Variants in GABRG2 observed in about 807,000 individuals in gnomAD.
The protein encoded by GABRG2 is gamma-aminobutyric acid receptor subunit gamma-2.
Under a neutral mutation model 56.4 loss-of-function variants are expected in GABRG2, and 16 were observed. The observed-to-expected ratio is 0.28, with a 90% confidence interval of 0.19 to 0.43. The LOEUF (loss-of-function observed/expected upper bound fraction) is 0.43, where lower values mean the gene tolerates loss of function less well. Ranked by LOEUF, GABRG2 falls within the 20% of genes least tolerant of loss-of-function variation. The probability of loss-of-function intolerance (pLI) is 1.00; values close to 1 mark genes in which losing one functional copy is unlikely to be tolerated. For missense variants in GABRG2, 327 were observed against 582.7 expected, an observed-to-expected ratio of 0.56 and a Z score of 4.52; for synonymous variants, 208 against 205.5, an observed-to-expected ratio of 1.01 and a Z score of -0.10.
chr5:162,134,827 G>A (rs547591243), intron 6 of GABRG2, among the ~76,000 whole-genome samples: 6 of 152,182 alleles, frequency 3.9e-5, no homozygotes, highest in South Asian at 2.1e-4. Flanking sequence ...AGCCTGCAGG[G>A]AACACATTAC....
chr5:162,118,049 A>C (rs950877942), intron 6 of GABRG2, among the ~76,000 whole-genome samples: 1 of 152,038 alleles, frequency 6.6e-6, no homozygotes, highest in Non-Finnish European at 1.5e-5. Flanking sequence ...TTTTAGACTC[A>C]GCCCCAGAAT....
chr5:162,149,767 C>T (rs1407166093), intron 8 of GABRG2: 6 of 394,728 alleles, frequency 1.5e-5, no homozygotes, highest in Middle Eastern at 8.5e-4. Context: ...GCACACGCCA[C>T]CATGCCTGGT....
intron 1 of GABRG2, among the ~76,000 whole-genome samples, chr5:162,088,629 G>A (rs1021151146): frequency 6.6e-6 from 1 of 152,026 alleles, no homozygotes; most frequent in African/African-American, 2.4e-5. Flanking sequence ...AAAATGAGCT[G>A]GAACAATCAT....
At chr5:162,122,347 A>G (rs141270613) in intron 6 of GABRG2, among the ~76,000 whole-genome samples, 2 of 152,036 alleles carry the variant, frequency 1.3e-5, no homozygotes, top group East Asian at 3.9e-4. Context: ...AAGCAAATCA[A>G]AACAAGCCAA....
chr5:162,122,577 T>C (rs1763046915), intron 6 of GABRG2, among the ~76,000 whole-genome samples: 1 of 151,816 alleles, frequency 6.6e-6, no homozygotes, highest in South Asian at 2.1e-4. Context: ...TACTTCAGAT[T>C]ATTTAATGTT....
chr5:162,112,334 A>G (rs1311467191), intron 6 of GABRG2, among the ~76,000 whole-genome samples: 1 of 152,202 alleles, frequency 6.6e-6, no homozygotes, highest in East Asian at 1.9e-4. Flanking sequence ...TTTAAGAGAC[A>G]TTTACATCAG....
intron 1 of GABRG2, among the ~76,000 whole-genome samples, chr5:162,068,599 C>T (rs1469280514): frequency 6.6e-6 from 1 of 152,034 alleles, no homozygotes; most frequent in East Asian, 2.0e-4. Flanking sequence ...CTGCACCTGG[C>T]ATTCTTAAGG....
intron 5 of GABRG2, chr5:162,101,642 T>G: frequency 3.0e-6 from 1 of 335,474 alleles, no homozygotes; most frequent in Non-Finnish European, 5.6e-6. Flanking sequence ...GGTGCAATCT[T>G]TAATTATATA....
chr5:162,153,048 C>T (rs1434474729), intron 9 of GABRG2, 45 bp from the exon 10 acceptor site: 16 of 1,611,756 alleles, frequency 9.9e-6, no homozygotes, highest in African/African-American at 4.0e-5. Flanking sequence ...TAGGATCTCT[C>T]GAGAACAACT....
chr5:162,081,052 C>T (rs1462680451), intron 1 of GABRG2, among the ~76,000 whole-genome samples: 2 of 151,898 alleles, frequency 1.3e-5, no homozygotes, highest in Non-Finnish European at 2.9e-5. Flanking sequence ...CTCATAGAGA[C>T]CATTGACAAA....
intron 6 of GABRG2, among the ~76,000 whole-genome samples, chr5:162,117,914 C>T (rs1762728246): frequency 6.6e-6 from 1 of 152,048 alleles, no homozygotes; most frequent in South Asian, 2.1e-4. Flanking sequence ...GATGCTAAAG[C>T]CAACTTTTGT....
chr5:162,091,058 G>C (rs976604810), intron 1 of GABRG2, among the ~76,000 whole-genome samples: 1 of 152,068 alleles, frequency 6.6e-6, no homozygotes, highest in Non-Finnish European at 1.5e-5. Flanking sequence ...TTATGCATCA[G>C]CTCCTTTAAT....
chr5:162,090,920 A>C (rs1443698196), intron 1 of GABRG2, among the ~76,000 whole-genome samples: 1 of 152,176 alleles, frequency 6.6e-6, no homozygotes, highest in African/African-American at 2.4e-5. Context: ...GTAAGACTTC[A>C]TTATTCCTAG....
At chr5:162,113,095 A>G (rs1230992006) in intron 6 of GABRG2, among the ~76,000 whole-genome samples, 2 of 151,908 alleles carry the variant, frequency 1.3e-5, no homozygotes, top group Admixed American at 1.3e-4. Context: ...GCACGCCACT[A>G]TGCCTGGCTA....
chr5:162,067,641 C>T (rs557465570), upstream of GABRG2: 7 of 542,884 alleles, frequency 1.3e-5, no homozygotes, highest in East Asian at 8.6e-5. Flanking sequence ...GGGGAGAACG[C>T]GTAAGTGTGA....
chr5:162,073,233 T>C (rs62384027), intron 1 of GABRG2, among the ~76,000 whole-genome samples: 15,934 of 151,918 alleles, frequency 0.1, 897 homozygotes, highest in Non-Finnish European at 0.12. Context: ...TTGAAAGGTC[T>C]AGACAGAAAT....
chr5:162,132,129 A>C (rs1763797599), intron 6 of GABRG2, among the ~76,000 whole-genome samples: 1 of 151,740 alleles, frequency 6.6e-6, no homozygotes, highest in Admixed American at 6.6e-5. Context: ...CTATTTTACA[A>C]AATAGGAAAC....
intron 6 of GABRG2, among the ~76,000 whole-genome samples, chr5:162,116,128 G>GTGTA (rs1383695953): frequency 6.6e-6 from 1 of 151,386 alleles, no homozygotes; most frequent in East Asian, 2.0e-4. Context: ...GTGTGTGTGT[G>GTGTA]TGTGTGTGTG....
At chr5:162,071,085 C>T (rs1051462002) in intron 1 of GABRG2, among the ~76,000 whole-genome samples, 2 of 151,288 alleles carry the variant, frequency 1.3e-5, no homozygotes, top group Admixed American at 6.6e-5. Flanking sequence ...ATAAAGAATA[C>T]ACCAACATTA....
Sources: gnomAD v4.1 joint callset for allele counts (sites outside exome capture counted in the v4.1 genomes callset) on GRCh38, gnomAD v4.1.1 for gene constraint, MANE v1.5 for transcripts, NCBI Gene and HGNC (gene_info 2026-07-23, HGNC 2026-07-21) for gene names.